The following TMEM161B variants were observed in gnomAD, a reference collection of about 807,000 sequenced individuals.
TMEM161B encodes the protein transmembrane protein 161B.
In TMEM161B, 34 loss-of-function variants were observed where a neutral mutation model predicts 61.8. The observed-to-expected ratio is 0.55, with a 90% CI of 0.42 to 0.73. TMEM161B has a LOEUF of 0.73. Ranked by LOEUF, TMEM161B falls within the 30% of genes least tolerant of loss-of-function variation. TMEM161B has a pLI of 0.00. For synonymous variants in TMEM161B, 167 were observed against 192.8 expected (o/e 0.87, Z 1.11); for missense variants, 456 against 558.5 (o/e 0.82, Z 1.85).
At chr5:88,208,279 C>T (rs925193725) in intron 5 of TMEM161B, among the ~76,000 whole-genome samples, 1 of 150,454 alleles carries the variant, frequency 6.6e-6, no homozygotes, top group Non-Finnish European at 1.5e-5. Flanking sequence ...GTCAGGAGAT[C>T]GAGACCATGC....
At chr5:88,205,181 T>A (rs1561315992) in intron 8 of TMEM161B, among the ~76,000 whole-genome samples, 1 of 152,140 alleles carries the variant, frequency 6.6e-6, no homozygotes, top group Non-Finnish European at 1.5e-5. Context: ...GTAAATGGGC[T>A]TTGAACTACA....
intron 11 of TMEM161B, 52 bp downstream of exon 11, chr5:88,197,617 T>C: frequency 7.1e-7 from 1 of 1,405,778 alleles, no homozygotes; most frequent in South Asian, 1.3e-5. Context: ...AAAGCTTTAT[T>C]AATTATAGGT....
chr5:88,198,498 G>C (rs189624), intron 10 of TMEM161B: 127,298 of 152,062 alleles, frequency 0.84, 53,456 homozygotes, highest in Non-Finnish European at 0.88. Context: ...AAAAAAGAAT[G>C]AGGTTATTGG....
chr5:88,247,929 A>T (rs1240992075), intron 1 of TMEM161B, among the ~76,000 whole-genome samples: 16 of 152,158 alleles, frequency 1.1e-4, no homozygotes. Flanking sequence ...ATTACAATAC[A>T]ATTGTAAAGG....
intron 1 of TMEM161B, among the ~76,000 whole-genome samples, chr5:88,247,033 A>G (rs747209946): frequency 5.3e-5 from 8 of 152,044 alleles, no homozygotes; most frequent in Non-Finnish European, 8.8e-5. Context: ...TAAGCACCCA[A>G]GAAGGGTGAA....
intron 2 of TMEM161B, among the ~76,000 whole-genome samples, chr5:88,238,011 A>G (rs1422304209): frequency 6.6e-6 from 1 of 152,120 alleles, no homozygotes; most frequent in African/African-American, 2.4e-5. Flanking sequence ...CACCCCTTCC[A>G]GAATACCAAA....
intron 9 of TMEM161B, chr5:88,199,750 C>A (rs570141977): frequency 1.2e-4 from 18 of 152,216 alleles, no homozygotes; most frequent in African/African-American, 3.9e-4. Context: ...GGTGAAAATA[C>A]ATAACGGAAG....
intron 1 of TMEM161B, among the ~76,000 whole-genome samples, chr5:88,257,177 G>A (rs1312319436): frequency 3.9e-5 from 6 of 152,112 alleles, no homozygotes; most frequent in Non-Finnish European, 1.5e-5. Context: ...GCTGAGGCAC[G>A]AGAATCGCAA....
chr5:88,237,833 CA>C (rs1284933446), intron 2 of TMEM161B, among the ~76,000 whole-genome samples: 2 of 151,966 alleles, frequency 1.3e-5, no homozygotes, highest in Non-Finnish European at 2.9e-5. Flanking sequence ...TAAAAATCAA[CA>C]AACTAATTTG....
intron 1 of TMEM161B, among the ~76,000 whole-genome samples, chr5:88,264,187 TAA>T (rs2112791891): frequency 6.6e-6 from 1 of 151,982 alleles, no homozygotes; most frequent in East Asian, 1.9e-4. Context: ...CGGAACTTAT[TAA>T]AAATGCAATT....
chr5:88,210,168 C>T (rs959888909), intron 5 of TMEM161B, among the ~76,000 whole-genome samples: 8 of 152,122 alleles, frequency 5.3e-5, no homozygotes, highest in South Asian at 2.1e-4. Context: ...TGTAAAATGC[C>T]GCCAGTCCAC....
At chr5:88,262,021 A>C (rs1755758672) in intron 1 of TMEM161B, among the ~76,000 whole-genome samples, 1 of 152,184 alleles carries the variant, frequency 6.6e-6, no homozygotes, top group South Asian at 2.1e-4. Flanking sequence ...TCTGCAAAAG[A>C]CATATCTGAT....
At chr5:88,189,362 G>A (rs1440546273), downstream of TMEM161B, among the ~76,000 whole-genome samples, 3 of 152,166 alleles carry the variant, frequency 2.0e-5, no homozygotes, top group Non-Finnish European at 4.4e-5. Context: ...GGTGTGACTG[G>A]AGCAGGGCTT....
At position 88,260,642 on chromosome 5, in the gene TMEM161B, G is replaced by A. The variant is rs114050850; in HGVS notation, c.3+8079C>T. 4.7e-3 allele frequency among the ~76,000 whole-genome samples: 712 copies of A among 152,136 alleles called. 10 individuals carry two copies. Among genetic ancestry groups the A allele is most frequent in the African/African-American group, 0.017 (685 of 41,514 alleles). The stretch of plus-strand genomic sequence containing the variant: ...AATTTTTAAAACCTTTTGTAAAGAA[G>A]AGGTCTCACTATGTTGTCCAGATTG... On this transcript the variant is annotated intron_variant, in intron 1 of 11. Coordinates refer to ENST00000296595, the MANE Select transcript of TMEM161B (RefSeq NM_153354.5).
chr5:88,216,765 T>C (rs945373302), intron 5 of TMEM161B, among the ~76,000 whole-genome samples: 2 of 152,222 alleles, frequency 1.3e-5, no homozygotes, highest in Non-Finnish European at 2.9e-5. Flanking sequence ...ATGTAAGACA[T>C]GCATTTCCTC....
At chr5:88,208,619 G>A (rs942292199) in intron 5 of TMEM161B, among the ~76,000 whole-genome samples, 1 of 152,180 alleles carries the variant, frequency 6.6e-6, no homozygotes, top group South Asian at 2.1e-4. Context: ...TCCAGTCTGG[G>A]CAACAAGAGT....
At chr5:88,198,332 G>T (rs879910592) in intron 10 of TMEM161B, 1 of 152,094 alleles carries the variant, frequency 6.6e-6, no homozygotes, top group African/African-American at 2.4e-5. Flanking sequence ...GGTGACTCAC[G>T]CCTGTAATCC....
chr5:88,240,883 C>A lies in TMEM161B; in HGVS notation c.37G>T (p.Val13Leu), dbSNP rs780468883. ...ATCTTCTGCATGACACTGGCCATCA[C>A]CATGGTAACAACCAGCTGTATACCT... is the stretch of plus-strand genomic sequence containing the variant. ...VIGIQLVVTMVMASVMQKIIP... is the reference protein window; with the variant it reads ...VIGIQLVVTMLMASVMQKIIP... The change falls in exon 2 of 12, where the codon GTG becomes TTG. Residue 13 changes from valine to leucine, a missense_variant. Val to Leu is a conservative substitution (Grantham distance 32, BLOSUM62 1). Coordinates refer to ENST00000296595, the MANE Select transcript of TMEM161B (RefSeq NM_153354.5). The A allele has an allele frequency of 6.2e-7, 1 of 1,610,208 alleles. No individual in the cohort carries two copies. The highest frequency in any genetic ancestry group is 1.3e-5 in the African/African-American group (1 of 74,610).
At chr5:88,256,346 T>G (rs1754980834) in intron 1 of TMEM161B, among the ~76,000 whole-genome samples, 1 of 152,194 alleles carries the variant, frequency 6.6e-6, no homozygotes, top group Admixed American at 6.5e-5. Flanking sequence ...ATTACAGTAC[T>G]AAAAAGTAAC....
Sources: allele counts gnomAD v4.1 joint callset (sites outside exome capture counted in the v4.1 genomes callset), GRCh38; gene constraint gnomAD v4.1.1; transcripts MANE v1.5; gene names NCBI Gene and HGNC (gene_info 2026-07-23, HGNC 2026-07-21).